The following TRMT1L variants were observed in gnomAD, a reference collection of about 807,000 sequenced individuals.
TRMT1L encodes tRNA methyltransferase 1L.
A neutral mutation model predicts 81.6 loss-of-function variants in TRMT1L; 28 were observed. The ratio of observed to expected loss-of-function variants is 0.34; its 90% confidence interval spans 0.25 to 0.47. The LOEUF is 0.47. Among genes scored for constraint, TRMT1L ranks in the 20% least tolerant of loss-of-function variants. The pLI, the probability that TRMT1L is intolerant of heterozygous loss-of-function variation, is 1.00. For missense variants in TRMT1L, 739 were observed against 877.1 expected (o/e 0.84, Z 1.99); for synonymous variants, 301 against 303.2 (o/e 0.99, Z 0.07).
At chr1:185,132,049 G>A (rs1652783695) in intron 10 of TRMT1L, among the ~76,000 whole-genome samples, 1 of 152,050 alleles carries the variant, frequency 6.6e-6, no homozygotes, top group South Asian at 2.1e-4. Flanking sequence ...GCTGAGGCAG[G>A]AGAATTGCTT....
Position 185,139,338 on chromosome 1 carries a change from C to T in TRMT1L, c.1322+29G>A, listed in dbSNP as rs374550757. 22 of 1,580,410 alleles carry T rather than the reference C, an allele frequency of 1.4e-5. No homozygotes were observed. In the African/African-American group the frequency reaches 2.2e-4, roughly 15 times the overall value. ...TCTCTTTTTATCAAATACTGAAACA[C>T]ACTAAGTACACTGTTGGCAATTTGG... On this transcript the variant is annotated intron_variant, in intron 9 of 14. Transcript: ENST00000367506.
chr1:185,141,689 G>T (rs2102247483), intron 7 of TRMT1L, among the ~76,000 whole-genome samples: 2 of 152,224 alleles, frequency 1.3e-5, no homozygotes, highest in Non-Finnish European at 2.9e-5. Context: ...GGGTGACAGA[G>T]CGAAACTCTG....
At chr1:185,137,523 C>T (rs1652930008) in intron 10 of TRMT1L, 83 bp downstream of exon 10, 1 of 1,355,226 alleles carries the variant, frequency 7.4e-7, no homozygotes, top group South Asian at 1.2e-5. Context: ...AATCAAAGGA[C>T]AACAATATGT....
intron 13 of TRMT1L, among the ~76,000 whole-genome samples, chr1:185,122,154 C>T (rs112529947): frequency 1.6e-4 from 25 of 152,268 alleles, no homozygotes; most frequent in African/African-American, 6.0e-4. Context: ...TTCCTTAGTA[C>T]ATATGTTCAT....
chr1:185,143,893 C>A lies in TRMT1L; in HGVS notation c.779+13G>T. 1 of 1,599,534 alleles carries A rather than the reference C, an allele frequency of 6.3e-7. No homozygotes were observed. Among genetic ancestry groups the A allele is most frequent in the South Asian group, 1.1e-5 (1 of 89,006 alleles). ...TTGAAACATCCCATAACCCTATTTT[C>A]AATTTATCTTACCGATTTAGTTTCA... On this transcript the variant is annotated intron_variant, in intron 6 of 14. Transcript: ENST00000367506.
At chr1:185,146,279 T>C (rs1426006929) in intron 4 of TRMT1L, among the ~76,000 whole-genome samples, 1 of 152,024 alleles carries the variant, frequency 6.6e-6, no homozygotes, top group Non-Finnish European at 1.5e-5. Context: ...CCCCACTGAA[T>C]GTTAGAGACA....
intron 1 of TRMT1L, among the ~76,000 whole-genome samples, chr1:185,152,156 T>C (rs972802020): frequency 1.3e-5 from 2 of 152,222 alleles, no homozygotes; most frequent in African/African-American, 4.8e-5. Context: ...TTTATCTAAT[T>C]AGTCAAAATA....
intron 10 of TRMT1L, among the ~76,000 whole-genome samples, chr1:185,135,415 C>CAA (rs1196621264): frequency 1.5e-5 from 1 of 68,506 alleles, no homozygotes; most frequent in Admixed American, 1.6e-4. Flanking sequence ...GACTCCGTCT[C>CAA]AAAAAAAAAA....
At chr1:185,127,839 C>A in intron 11 of TRMT1L, among the ~76,000 whole-genome samples, 1 of 151,014 alleles carries the variant, frequency 6.6e-6, no homozygotes, top group Middle Eastern at 3.4e-3. Context: ...TTTGGCCAGG[C>A]GCAGTGGCTC....
At chr1:185,135,611 G>A (rs1054504703) in intron 10 of TRMT1L, among the ~76,000 whole-genome samples, 12 of 151,774 alleles carry the variant, frequency 7.9e-5, no homozygotes, top group African/African-American at 2.9e-4. Flanking sequence ...AAACAGAAAT[G>A]CTAGGTGAAT....
chr1:185,125,579 AG>A (rs1213632375), intron 11 of TRMT1L, among the ~76,000 whole-genome samples: 7 of 152,232 alleles, frequency 4.6e-5, no homozygotes, highest in South Asian at 2.1e-4. Context: ...GAGGCTGGGA[AG>A]GGGAGAAGGG....
intron 1 of TRMT1L, among the ~76,000 whole-genome samples, 153 bp from the exon 2 acceptor site, chr1:185,152,088 T>C (rs1375067083): frequency 6.6e-6 from 1 of 152,242 alleles, no homozygotes; most frequent in Non-Finnish European, 1.5e-5. Flanking sequence ...AAATAACAAG[T>C]GTGCTTTAGA....
rs765299672 is a variant in TRMT1L, at chr1:185,119,614, T to A, written c.*405A>T. On this transcript the variant is annotated 3_prime_UTR_variant, in exon 15 of 15. Transcript: ENST00000367506. ...TCATTTTAACATGTGAGCCTTCAGC[T>A]TCATTTTGTACACTACAAACAGGAA... 6.4e-6 allele frequency: 1 copy of A among 156,512 alleles called. No individual in the cohort carries two copies. The highest frequency in any genetic ancestry group is 6.4e-5 in the Admixed American group (1 of 15,734). The allele number at this position is 156,512 out of a possible 1,614,324, so 9.7% of individuals were successfully genotyped here.
chr1:185,150,577 T>TC, intron 2 of TRMT1L, 85 bp from the exon 3 acceptor site: 1 of 879,764 alleles, frequency 1.1e-6, no homozygotes, highest in African/African-American at 1.7e-5. Flanking sequence ...TAATGGGGGC[T>TC]CCCCCTCCTA....
intron 1 of TRMT1L, among the ~76,000 whole-genome samples, chr1:185,152,286 C>T (rs891780238): frequency 6.6e-6 from 1 of 152,184 alleles, no homozygotes; most frequent in Non-Finnish European, 1.5e-5. Flanking sequence ...TTCTAACTAT[C>T]ATATGAGATA....
chr1:185,134,081 T>C (rs1652838405), intron 10 of TRMT1L, among the ~76,000 whole-genome samples: 2 of 152,214 alleles, frequency 1.3e-5, no homozygotes. Context: ...TTTAGAAATA[T>C]GAATGTAAGC....
At chr1:185,152,658 A>C (rs1356754870) in intron 1 of TRMT1L, among the ~76,000 whole-genome samples, 1 of 152,180 alleles carries the variant, frequency 6.6e-6, no homozygotes, top group African/African-American at 2.4e-5. Context: ...GACAGAATAG[A>C]AGGTTAAAAA....
At chr1:185,132,347 GTC>G (rs1266488460) in intron 10 of TRMT1L, among the ~76,000 whole-genome samples, 7 of 151,612 alleles carry the variant, frequency 4.6e-5, no homozygotes, top group Non-Finnish European at 1.0e-4. Context: ...GTGAGACCCT[GTC>G]TCTACTAAAA....
intron 11 of TRMT1L, 101 bp downstream of exon 11, chr1:185,128,568 T>G: frequency 2.7e-6 from 3 of 1,121,948 alleles, no homozygotes; most frequent in Non-Finnish European, 4.0e-6. Context: ...GACTTAACAA[T>G]TGAATTTAAA....
Sources: allele counts gnomAD v4.1 joint callset (sites outside exome capture counted in the v4.1 genomes callset), GRCh38; gene constraint gnomAD v4.1.1; transcripts MANE v1.5; gene names NCBI Gene and HGNC (gene_info 2026-07-23, HGNC 2026-07-21).